Variants in SACM1L observed in about 807,000 individuals in gnomAD.
The protein encoded by SACM1L is SAC1 like phosphatidylinositide phosphatase.
Under a neutral mutation model 89.5 loss-of-function variants are expected in SACM1L, and 32 were observed. That is an observed-to-expected ratio of 0.36 (90% CI 0.27 to 0.48). The LOEUF is 0.48. SACM1L is among the 20% of genes least tolerant of loss of function. The pLI is 0.99. For synonymous variants in SACM1L, 213 were observed against 232.8 expected (o/e 0.92, Z 0.77); for missense variants, 543 against 708.5 (o/e 0.77, Z 2.65).
At position 45,737,928 on chromosome 3, in the gene SACM1L, C is replaced by T; in HGVS notation, c.1382+84C>T. ...AAAAATCACCTGGGCAGCTTTCAGA[C>T]AGCAGCAGCAACAACAGCAAGACTC... On this transcript the variant is annotated intron_variant, in intron 16 of 19. Coordinates refer to ENST00000389061, the MANE Select transcript of SACM1L (RefSeq NM_014016.5). The T allele has an allele frequency of 4.7e-6, 5 of 1,063,382 alleles. No homozygotes were observed. The South Asian group carries it at 5.4e-5, about 11-fold the overall frequency. The allele number at this position is 1,063,382 out of a possible 1,614,324, so 65.9% of individuals were successfully genotyped here. A position where few individuals can be genotyped will look rare whatever the true frequency, so the allele number is the denominator to read the frequency against.
At chr3:45,703,292 A>T in intron 1 of SACM1L, 146 bp from the exon 2 acceptor site, 1 of 573,338 alleles carries the variant, frequency 1.7e-6, no homozygotes, top group Non-Finnish European at 3.1e-6. Flanking sequence ...CAGTGAACTC[A>T]TAAGGACAGC....
intron 1 of SACM1L, chr3:45,690,037 T>C (rs1431118955): frequency 2.6e-5 from 4 of 153,288 alleles, no homozygotes; most frequent in Non-Finnish European, 5.8e-5. Flanking sequence ...CTGAAGGAGT[T>C]TACTTTGGTT....
Position 45,745,256 on chromosome 3 carries a change from C to T in SACM1L, c.*1587C>T, listed in dbSNP as rs1158400057. The stretch of plus-strand genomic sequence containing the variant: ...TCAACAGCTACAACAAAGACCAAAT[C>T]TGAACTGCTAATGTGGCTGCTTTGT... On this transcript the variant is annotated 3_prime_UTR_variant, in exon 20 of 20. Transcript: ENST00000389061. The T allele has an allele frequency of 6.6e-6, 1 of 152,634 alleles. No individual in the cohort carries two copies. Among genetic ancestry groups the T allele is most frequent in the Non-Finnish European group, 1.5e-5 (1 of 68,038 alleles). 9.5% of individuals were successfully genotyped at this position (152,634 alleles called of 1,614,324 possible).
chr3:45,732,142 A>G lies in SACM1L; in HGVS notation c.1091A>G (p.Asp364Gly), dbSNP rs1342351067. 3 of 1,594,322 alleles carry G rather than the reference A, an allele frequency of 1.9e-6. No homozygotes were observed. In the Admixed American group the frequency reaches 5.2e-5, roughly 28 times the overall value. ...ILLDQVAEMQ[D>G]ELSYFLVDSA... ...TTGGATCAGGTAGCAGAAATGCAAG[A>G]TGAATTAAGGTAAGCTATATTATTT... Residue 364 changes from aspartate to glycine, a missense_variant, in exon 13 of 20, where the codon GAT becomes GGT. By Grantham distance (94) the Asp-to-Gly change is moderately conservative. Around this residue, in one of 2 missense-constraint regions of SACM1L, gnomAD observed 370 missense variants for 527.6 expected, o/e 0.70. Transcript: ENST00000389061.
At position 45,745,112 on chromosome 3, in the gene SACM1L, A is replaced by G. The variant is rs1699398089; in HGVS notation, c.*1443A>G. Reference sequence around the variant, plus strand: ...CACAATAGGGTAAGTAAATATAGCCACCTGTTAACATGTAAATAAGCATAA... The same window carrying G: ...CACAATAGGGTAAGTAAATATAGCCGCCTGTTAACATGTAAATAAGCATAA... On this transcript the variant is annotated 3_prime_UTR_variant, in exon 20 of 20. Transcript: ENST00000389061. The G allele has an allele frequency of 6.6e-6, 1 of 152,298 alleles. No individual in the cohort carries two copies. Among genetic ancestry groups the G allele is most frequent in the African/African-American group, 2.4e-5 (1 of 41,474 alleles). The allele number at this position is 152,298 out of a possible 1,614,324, so 9.4% of individuals were successfully genotyped here. A position where few individuals can be genotyped will look rare whatever the true frequency, so the allele number is the denominator to read the frequency against.
At position 45,719,882 on chromosome 3, in the gene SACM1L, G is replaced by A. The variant is rs565050139; in HGVS notation, c.679+281G>A. ...GTCCGAAAGCACAGCTGAACTCAGT[G>A]TAGTTTTCAGTAACCTAACTTAGAA... On this transcript the variant is annotated intron_variant, in intron 8 of 19. Transcript: ENST00000389061. 2.0e-4 allele frequency among the ~76,000 whole-genome samples: 30 copies of A among 152,286 alleles called. 1 individual carries two copies. In the South Asian group the frequency reaches 6.0e-3, roughly 31 times the overall value.
At chr3:45,709,105 C>G (rs778683355) in intron 4 of SACM1L, among the ~76,000 whole-genome samples, 3 of 152,076 alleles carry the variant, frequency 2.0e-5, no homozygotes, top group Non-Finnish European at 4.4e-5. Flanking sequence ...TTTTATTTGT[C>G]GAAGATAGCT....
chr3:45,697,325 G>A (rs983613489), intron 1 of SACM1L, among the ~76,000 whole-genome samples: 2 of 136,442 alleles, frequency 1.5e-5, no homozygotes, highest in Non-Finnish European at 3.0e-5. Flanking sequence ...TGCCCAGGCT[G>A]GAGTGTAGTG....
chr3:45,742,766 T>G (rs945840422), intron 19 of SACM1L: 1 of 152,280 alleles, frequency 6.6e-6, no homozygotes, highest in Non-Finnish European at 1.5e-5. Flanking sequence ...GTCTGTAGTG[T>G]GTTATGCTGA....
chr3:45,695,415 C>T (rs1201909049), intron 1 of SACM1L, among the ~76,000 whole-genome samples: 3 of 152,062 alleles, frequency 2.0e-5, no homozygotes, highest in African/African-American at 7.2e-5. Flanking sequence ...CATGCACCAC[C>T]AGGCCCGGCT....
In SACM1L at chr3:45,737,798, G is replaced by T; in HGVS notation, c.1336G>T (p.Ala446Ser). 6.2e-7 allele frequency: 1 copy of T among 1,614,056 alleles called. No individual in the cohort carries two copies. Among genetic ancestry groups the T allele is most frequent in the Non-Finnish European group, 8.5e-7 (1 of 1,179,960 alleles). Residue 446 changes from alanine to serine, a missense_variant, in exon 16 of 20, where the codon GCC (alanine) becomes TCC (serine). Ala to Ser is a moderately conservative substitution (Grantham distance 99). This residue lies in a region of SACM1L where 370 missense variants were observed against 527.6 expected (regional missense o/e 0.70). Coordinates refer to ENST00000389061, the MANE Select transcript of SACM1L (RefSeq NM_014016.5). ...NAWADNANACAKQYAGTGALK... is the reference protein window; with the variant it reads ...NAWADNANACSKQYAGTGALK... ...CTGGGCTGACAACGCAAATGCTTGT[G>T]CCAAGCAATATGCGGGAACTGGTGC...
chr3:45,728,378 T>G (rs1217648617), intron 11 of SACM1L, among the ~76,000 whole-genome samples: 1 of 152,202 alleles, frequency 6.6e-6, no homozygotes, highest in African/African-American at 2.4e-5. Context: ...CATTACTGTC[T>G]CTTATTGTGC....
At chr3:45,719,271 A>T (rs1323984308) in intron 7 of SACM1L, among the ~76,000 whole-genome samples, 1 of 152,204 alleles carries the variant, frequency 6.6e-6, no homozygotes, top group Non-Finnish European at 1.5e-5. Flanking sequence ...TTAAATAAAA[A>T]CACCATAGTG....
At chr3:45,695,484 C>A (rs144678455) in intron 1 of SACM1L, among the ~76,000 whole-genome samples, 1 of 152,036 alleles carries the variant, frequency 6.6e-6, no homozygotes, top group African/African-American at 2.4e-5. Context: ...TGGTCTTGAT[C>A]TCCTGACCTC....
intron 5 of SACM1L, among the ~76,000 whole-genome samples, chr3:45,712,224 C>G (rs1270937274): frequency 9.2e-5 from 14 of 152,082 alleles, no homozygotes. Flanking sequence ...GATTAATCTA[C>G]TGAGTAGAGT....
intron 1 of SACM1L, among the ~76,000 whole-genome samples, chr3:45,693,086 A>C (rs138988230): frequency 2.4e-3 from 362 of 152,340 alleles, no homozygotes; most frequent in African/African-American, 8.4e-3. Context: ...CCTGTACAGC[A>C]GGTTACTGTA....
chr3:45,721,854 G>A lies in SACM1L; in HGVS notation c.680-146G>A. On this transcript the variant is annotated intron_variant, in intron 8 of 19. Coordinates refer to ENST00000389061, the MANE Select transcript of SACM1L (RefSeq NM_014016.5). ...TGTTAGTTTTCTGATCATGTATAAT[G>A]AATTTGTTTGAATTGTATTTTCATA... The A allele has an allele frequency of 5.1e-6, 3 of 591,844 alleles. No individual in the cohort carries two copies. The South Asian group carries it at 6.2e-5, about 12-fold the overall frequency. The allele number at this position is 591,844 out of a possible 1,614,324, so 36.7% of individuals were successfully genotyped here.
chr3:45,738,807 C>G lies in SACM1L; in HGVS notation c.1503C>G (p.Asn501Lys). The G allele has an allele frequency of 6.2e-7, 1 of 1,611,040 alleles. No homozygotes were observed. Among genetic ancestry groups the G allele is most frequent in the Non-Finnish European group, 8.5e-7 (1 of 1,177,410 alleles). ...ATTCCATAGACTTATTTCTTGGAAA[C>G]TATTCAGTGGATGAATTAGAATCTC... ...RQDSIDLFLG[N>K]YSVDELESHS... Residue 501 changes from asparagine (N) to lysine (K), a missense_variant, in exon 18 of 20, where the codon AAC (asparagine) becomes AAG (lysine). Coordinates refer to ENST00000389061, the MANE Select transcript of SACM1L (RefSeq NM_014016.5).
At chr3:45,691,308 C>G (rs1295781810) in intron 1 of SACM1L, among the ~76,000 whole-genome samples, 1 of 151,796 alleles carries the variant, frequency 6.6e-6, no homozygotes, top group African/African-American at 2.4e-5. Flanking sequence ...TTTTCTTTAC[C>G]AAGGGGTTTA....
Sources: gnomAD v4.1 joint callset for allele counts (sites outside exome capture counted in the v4.1 genomes callset) on GRCh38, gnomAD v4.1.1 for gene constraint, gnomAD v4.1.1 regional missense constraint, MANE v1.5 for transcripts, NCBI Gene and HGNC (gene_info 2026-07-23, HGNC 2026-07-21) for gene names.